Variants in ACVRL1 observed in about 807,000 individuals in gnomAD.
ACVRL1 encodes the protein activin receptor type-1-like.
A neutral mutation model predicts 51.9 loss-of-function variants in ACVRL1; 20 were observed. That is an observed-to-expected ratio of 0.39 (90% CI 0.27 to 0.56). ACVRL1 has a LOEUF of 0.56. Ranked by LOEUF, ACVRL1 falls within the 20% of genes least tolerant of loss-of-function variation. The probability of loss-of-function intolerance (pLI) is 0.67; values close to 1 mark genes in which losing one functional copy is unlikely to be tolerated. For missense variants in ACVRL1, 451 were observed against 670.3 expected (o/e 0.67, Z 3.61); for synonymous variants, 288 against 280.9 (o/e 1.03, Z -0.25).
In ACVRL1 at chr12:51,923,235, G is replaced by A. The variant is rs1000255663; in HGVS notation, c.*2342G>A. ...CTGAGAGCAGTCTGCACATGCTTCT[G>A]TCTGAGTGCAGGAAGGTGTTCCAGG... On this transcript the variant is annotated 3_prime_UTR_variant, in exon 10 of 10. Transcript: ENST00000388922. The A allele has an allele frequency of 2.0e-5, 3 of 152,328 alleles. No homozygotes were observed. Among genetic ancestry groups the A allele is most frequent in the African/African-American group, 7.2e-5 (3 of 41,462 alleles). The allele number at this position is 152,328 out of a possible 1,614,324, so 9.4% of individuals were successfully genotyped here.
At chr12:51,919,229 CTGGT>C in intron 9 of ACVRL1, 114 bp downstream of exon 9, 1 of 1,505,448 alleles carries the variant, frequency 6.6e-7, no homozygotes, top group Non-Finnish European at 9.1e-7. Context: ...ACTGAGTGTC[CTGGT>C]TAGGGCACCT....
At chr12:51,918,720 C>T (rs1296272656) in intron 8 of ACVRL1, among the ~76,000 whole-genome samples, 1 of 152,218 alleles carries the variant, frequency 6.6e-6, no homozygotes, top group Non-Finnish European at 1.5e-5. Context: ...GTACCCACCC[C>T]ACAGGGCTGT....
chr12:51,912,336 A>C lies in ACVRL1; in HGVS notation c.-5-134A>C, dbSNP rs1021207276. 4.3e-6 allele frequency: 4 copies of C among 926,538 alleles called. No individual in the cohort carries two copies. In the African/African-American group the frequency reaches 6.6e-5, roughly 15 times the overall value. The allele number at this position is 926,538 out of a possible 1,614,324, so 57.4% of individuals were successfully genotyped here. On this transcript the variant is annotated intron_variant, in intron 1 of 9. Coordinates refer to ENST00000388922, the MANE Select transcript of ACVRL1 (RefSeq NM_000020.3). Reference sequence around the variant, plus strand: ...AGGCCCCGCCCCAAAGCCAGGCGGCAGGGAGTAGGGAGGCGGCCTCCCTGC... The same window carrying C: ...AGGCCCCGCCCCAAAGCCAGGCGGCCGGGAGTAGGGAGGCGGCCTCCCTGC...
rs186154782 is a variant in ACVRL1 at position 51,917,956 on chromosome 12, G to C, written c.1247-1029G>C. Among the ~76,000 whole-genome samples the C allele has an allele frequency of 4.7e-3, 712 of 152,326 alleles. 1 individual carries two copies. The highest frequency in any genetic ancestry group is 0.01 in the Middle Eastern group (3 of 294). ...TTAAAGGCCCATTAGACACATTCAG[G>C]CCTCTGTGCAGCACTGATTAGGGCG... is the stretch of plus-strand genomic sequence containing the variant. On this transcript the variant is annotated intron_variant, in intron 8 of 9. Transcript: ENST00000388922. This position sits in a 1 kb window ranked among gnomAD's most constrained non-coding sequence, Gnocchi z 4.2.
In ACVRL1 at chr12:51,914,512, G is replaced by T; in HGVS notation, c.699G>T (p.Ser233=). 1 of 1,614,092 alleles carries T rather than the reference G, an allele frequency of 6.2e-7. No individual in the cohort carries two copies. The highest frequency in any genetic ancestry group is 8.5e-7 in the Non-Finnish European group (1 of 1,179,994). ...GESVAVKIFS[S]RDEQSWFRET... is the part of the protein sequence containing the mutation. ...GTGTGGCCGTCAAGATCTTCTCCTCGAGGGATGAACAGTCCTGGTTCCGGG... is the reference window on the plus strand; with the variant it reads ...GTGTGGCCGTCAAGATCTTCTCCTCTAGGGATGAACAGTCCTGGTTCCGGG... Residue 233 remains serine, a synonymous_variant, in exon 6 of 10, where the codon TCG becomes TCT. Coordinates refer to ENST00000388922, the MANE Select transcript of ACVRL1 (RefSeq NM_000020.3).
intron 7 of ACVRL1, 158 bp downstream of exon 7, chr12:51,915,658 A>G (rs1176502909): frequency 9.4e-7 from 1 of 1,059,122 alleles, no homozygotes; most frequent in Non-Finnish European, 1.3e-6. Context: ...AGTTGTCTGA[A>G]CACCCTTTTC....
In ACVRL1 at chr12:51,920,916, C is replaced by T. The variant is rs1386162256; in HGVS notation, c.*23C>T. 1 of 742,526 alleles carries T rather than the reference C, an allele frequency of 1.3e-6. No homozygotes were observed. Among genetic ancestry groups the T allele is most frequent in the South Asian group, 1.4e-5 (1 of 71,744 alleles). 46.0% of individuals were successfully genotyped at this position (742,526 alleles called of 1,614,324 possible). On this transcript the variant is annotated 3_prime_UTR_variant, in exon 10 of 10. Coordinates refer to ENST00000388922, the MANE Select transcript of ACVRL1 (RefSeq NM_000020.3). ...TAGCCCAGGAGCACCTGATTCCTTT[C>T]TGCCTGCAGGGGGCTGGGGGGGTGG... is the stretch of plus-strand genomic sequence containing the variant.
In ACVRL1 at chr12:51,915,208, A is replaced by G; in HGVS notation, c.773-17A>G. On this transcript the variant is annotated splice_polypyrimidine_tract_variant and intron_variant, in intron 6 of 9. Transcript: ENST00000388922. The stretch of plus-strand genomic sequence containing the variant: ...CCCCAGCCCCTTGGCTGAGTCACCC[A>G]ACCTTTCTGCACACAGGCTTCATCG... The G allele has an allele frequency of 6.2e-7, 1 of 1,613,076 alleles. No homozygotes were observed. Among genetic ancestry groups the G allele is most frequent in the Non-Finnish European group, 8.5e-7 (1 of 1,179,774 alleles).
chr12:51,910,916 C>T (rs1007165026), intron 1 of ACVRL1, among the ~76,000 whole-genome samples: 3 of 152,238 alleles, frequency 2.0e-5, no homozygotes, highest in African/African-American at 7.2e-5. Context: ...AGGCCTGCCA[C>T]CAGCCAGAGA....
intron 6 of ACVRL1, 71 bp from the exon 7 acceptor site, chr12:51,915,154 C>G: frequency 6.4e-7 from 1 of 1,571,612 alleles, no homozygotes; most frequent in Non-Finnish European, 8.7e-7. Flanking sequence ...CAACCCCACC[C>G]TGACCCTGAC....
Position 51,913,121 on chromosome 12 carries a change from G to A in ACVRL1, c.84G>A (p.Arg28=). ...VTQGDPVKPS[R]GPLVTCTCES... ...CAGGAGACCCTGTGAAGCCGTCTCG[G>A]GGCCCGCTGGTGACCTGCACGTGTG... The change falls in exon 3 of 10, where the codon CGG becomes CGA. Residue 28 remains arginine (R), a synonymous_variant. Transcript: ENST00000388922. The A allele has an allele frequency of 6.2e-7, 1 of 1,606,078 alleles. No homozygotes were observed. Among genetic ancestry groups the A allele is most frequent in the Non-Finnish European group, 8.5e-7 (1 of 1,179,162 alleles).
chr12:51,919,197 G>C, intron 9 of ACVRL1, 82 bp downstream of exon 9: 3 of 1,599,038 alleles, frequency 1.9e-6, no homozygotes, highest in Non-Finnish European at 2.6e-6. Context: ...TGTGTCTGAG[G>C]CCTCTGCTTC....
chr12:51,911,420 C>T (rs1281540334), intron 1 of ACVRL1, among the ~76,000 whole-genome samples: 1 of 152,162 alleles, frequency 6.6e-6, no homozygotes, highest in Non-Finnish European at 1.5e-5. Flanking sequence ...CATCACTGGC[C>T]CTCCACCCAC....
At chr12:51,919,363 CTGTGTGTGTGTG>C (rs55945390) in intron 9 of ACVRL1, 172 of 387,822 alleles carry the variant, frequency 4.4e-4, no homozygotes, top group Admixed American at 8.8e-4. Context: ...ATCTGTGGCT[CTGTGTGTGTGTG>C]TGTGTGTGTG....
intron 3 of ACVRL1, 101 bp from the exon 4 acceptor site, chr12:51,913,458 C>CGG: frequency 1.8e-5 from 10 of 567,722 alleles, no homozygotes; most frequent in Non-Finnish European, 2.5e-5. Context: ...GGCGGGGGAG[C>CGG]GGGTGGGCAG....
At chr12:51,916,918 G>A (rs1335155240) in intron 8 of ACVRL1, among the ~76,000 whole-genome samples, 3 of 152,164 alleles carry the variant, frequency 2.0e-5, no homozygotes, top group African/African-American at 7.2e-5. Context: ...AGGTTGCGGT[G>A]AGCCAAGATC....
chr12:51,918,902 G>C, intron 8 of ACVRL1, 83 bp from the exon 9 acceptor site: 1 of 1,607,720 alleles, frequency 6.2e-7, no homozygotes, highest in Admixed American at 1.7e-5. Flanking sequence ...CCCTTGGATA[G>C]AGGGTAGAAA....
intron 9 of ACVRL1, 111 bp from the exon 10 acceptor site, chr12:51,920,648 C>T (rs1940951415): frequency 7.2e-6 from 9 of 1,247,502 alleles, no homozygotes; most frequent in African/African-American, 1.5e-5. Context: ...TCCTCATCTT[C>T]TTCCCATCTT....
rs1352726033 is a variant in ACVRL1 at position 51,923,316 on chromosome 12, T to G, written c.*2423T>G. ...GCTGTTTGTGGGAGCACTGGGCTCA[T>G]GCCTGGCACACAATAGGTCTGCAAT... On this transcript the variant is annotated 3_prime_UTR_variant, in exon 10 of 10. Transcript: ENST00000388922. The G allele has an allele frequency of 1.3e-5, 2 of 152,344 alleles. No homozygotes were observed. Among genetic ancestry groups the G allele is most frequent in the Non-Finnish European group, 2.9e-5 (2 of 68,116 alleles). 9.4% of individuals were successfully genotyped at this position (152,344 alleles called of 1,614,324 possible). A position where few individuals can be genotyped will look rare whatever the true frequency, so the allele number is the denominator to read the frequency against.
Sources: allele counts gnomAD v4.1 joint callset (sites outside exome capture counted in the v4.1 genomes callset), GRCh38; gene constraint gnomAD v4.1.1; non-coding constraint Gnocchi (gnomAD v3.1); transcripts MANE v1.5; gene names NCBI Gene and HGNC (gene_info 2026-07-23, HGNC 2026-07-21).